Variants in YAF2 observed in about 807,000 individuals in gnomAD.
The protein encoded by YAF2 is YY1-associated factor 2.
In YAF2, 7 loss-of-function variants were observed where a neutral mutation model predicts 20.1. The ratio of observed to expected loss-of-function variants is 0.35; its 90% CI spans 0.20 to 0.65. The LOEUF (loss-of-function observed/expected upper bound fraction) is 0.65, where lower values mean the gene tolerates loss of function less well. Among genes scored for constraint, YAF2 ranks in the 30% least tolerant of loss-of-function variants. The pLI is 0.69. For synonymous variants in YAF2, 74 were observed against 76.0 expected (o/e 0.97, Z 0.14); for missense variants, 151 against 219.2 (o/e 0.69, Z 1.96).
Position 42,238,222 on chromosome 12 carries a change from GCT to G in YAF2, c.-44_-43del, listed in dbSNP as rs2068248586. The G allele has an allele frequency of 1.4e-6, 2 of 1,399,930 alleles. No individual in the cohort carries two copies. The highest frequency in any genetic ancestry group is 1.9e-6 in the Non-Finnish European group (2 of 1,057,532). 86.7% of individuals were successfully genotyped at this position (1,399,930 alleles called of 1,614,324 possible). A position where few individuals can be genotyped will look rare whatever the true frequency, so the allele number is the denominator to read the frequency against. ...CACGCCGAGAGTCGCCGCCGCGACC[GCT>G]CTGTTTGTCAATAAGGAGGATAATA... On this transcript the variant is annotated 5_prime_UTR_variant, in exon 1 of 4. Transcript: ENST00000534854.
chr12:42,229,948 G>A (rs564188746), intron 2 of YAF2, among the ~76,000 whole-genome samples: 1 of 152,268 alleles, frequency 6.6e-6, no homozygotes, highest in East Asian at 1.9e-4. Flanking sequence ...GGGGTGGAGG[G>A]ATGGTAATCC....
intron 2 of YAF2, chr12:42,234,170 A>C (rs1444391472): frequency 5.1e-6 from 5 of 974,336 alleles, no homozygotes; most frequent in Non-Finnish European, 6.1e-6. Flanking sequence ...GACTGTCTCA[A>C]ATTCTGCCTC....
Position 42,237,712 on chromosome 12 carries a change from C to T in YAF2, c.39G>A (p.Gln13=), listed in dbSNP as rs1313776165. 6.4e-7 allele frequency: 1 copy of T among 1,565,794 alleles called. No homozygotes were observed. The stretch of plus-strand genomic sequence containing the variant: ...AACCCTCATCCGAGGACGGCTTCGG[C>T]TGCCGCTTCGGCCTGCAGGACACAA... ...DKKSPTRPKR[Q]PKPSSDEGYW... is the part of the protein sequence containing the mutation. Residue 13 remains glutamine, a synonymous_variant, in exon 2 of 4, where the codon CAG becomes CAA. Transcript: ENST00000534854.
chr12:42,223,844 G>C (rs1296900837), intron 2 of YAF2, among the ~76,000 whole-genome samples: 1 of 150,278 alleles, frequency 6.7e-6, no homozygotes, highest in African/African-American at 2.5e-5. Flanking sequence ...ATGGACACAG[G>C]GAGGGGAACA....
chr12:42,174,262 C>T (rs559369595), intron 2 of YAF2, among the ~76,000 whole-genome samples: 2 of 152,250 alleles, frequency 1.3e-5, no homozygotes, highest in South Asian at 4.1e-4. Context: ...CCTTCCACTC[C>T]AGCAAAATTA....
intron 2 of YAF2, among the ~76,000 whole-genome samples, chr12:42,193,031 C>T (rs765084064): frequency 6.6e-6 from 1 of 151,986 alleles, no homozygotes; most frequent in Non-Finnish European, 1.5e-5. Context: ...TAGCACCTAC[C>T]GGCCGGGCAC....
chr12:42,183,824 C>T lies in YAF2; in HGVS notation c.153-22059G>A, dbSNP rs970113463. On this transcript the variant is annotated intron_variant, in intron 2 of 3. Coordinates refer to ENST00000534854, the MANE Select transcript of YAF2 (RefSeq NM_005748.6). ...TATTGAAAGAAGATGCCATCTAGGACTTTCAGAGCTAGAGACGAAAAGTCA... is the reference window on the plus strand; with the variant it reads ...TATTGAAAGAAGATGCCATCTAGGATTTTCAGAGCTAGAGACGAAAAGTCA... Among the ~76,000 whole-genome samples the T allele has an allele frequency of 2.2e-4, 34 of 152,232 alleles. 1 individual carries two copies. The highest frequency in any genetic ancestry group is 4.4e-5 in the Non-Finnish European group (3 of 68,042).
chr12:42,213,045 T>C (rs781719488), intron 2 of YAF2, among the ~76,000 whole-genome samples: 4 of 72,588 alleles, frequency 5.5e-5, no homozygotes, highest in Non-Finnish European at 1.0e-4. Context: ...TAAGCTAATA[T>C]AAAAGATGTC....
At chr12:42,227,521 C>T (rs2067762116) in intron 2 of YAF2, among the ~76,000 whole-genome samples, 2 of 147,024 alleles carry the variant, frequency 1.4e-5, no homozygotes, top group African/African-American at 5.1e-5. Flanking sequence ...AGCGCCTCTG[C>T]CCTGCCGAGA....
chr12:42,161,854 G>A, intron 2 of YAF2, 89 bp from the exon 3 acceptor site: 1 of 1,187,866 alleles, frequency 8.4e-7, no homozygotes, highest in Non-Finnish European at 1.2e-6. Flanking sequence ...ATGAAAACAA[G>A]TTAATAACAA....
chr12:42,237,721 C>A lies in YAF2; in HGVS notation c.30G>T (p.Pro10=), dbSNP rs568586864. The change falls in exon 2 of 4, where the codon CCG becomes CCT. Residue 10 remains proline, a synonymous_variant. Transcript: ENST00000534854. MGDKKSPTR[P]KRQPKPSSDE... ...CCGAGGACGGCTTCGGCTGCCGCTT[C>A]GGCCTGCAGGACACAACCCGGACAC... The A allele has an allele frequency of 9.0e-6, 14 of 1,562,604 alleles. No homozygotes were observed. The highest frequency in any genetic ancestry group is 1.4e-5 in the African/African-American group (1 of 70,986).
At chr12:42,161,371 A>G in intron 3 of YAF2, 1 of 355,046 alleles carries the variant, frequency 2.8e-6, no homozygotes. Flanking sequence ...AAACAAATCC[A>G]GACACAAATG....
At chr12:42,232,903 C>T (rs2068024980) in intron 2 of YAF2, 1 of 985,068 alleles carries the variant, frequency 1.0e-6, no homozygotes, top group Non-Finnish European at 1.2e-6. Flanking sequence ...GAAGAAGTTC[C>T]ACCTCTTCAG....
chr12:42,202,724 C>T (rs879533281), intron 2 of YAF2, among the ~76,000 whole-genome samples: 9 of 152,084 alleles, frequency 5.9e-5, no homozygotes, highest in Non-Finnish European at 1.2e-4. Flanking sequence ...CTGCAACCTC[C>T]GCCTCCCAGG....
At chr12:42,216,410 C>G (rs2067359006) in intron 2 of YAF2, among the ~76,000 whole-genome samples, 1 of 152,126 alleles carries the variant, frequency 6.6e-6, no homozygotes, top group Admixed American at 6.6e-5. Context: ...AACACACCCC[C>G]CTCTTTTTGA....
rs1382739915 is a variant in YAF2 at position 42,227,849 on chromosome 12, G to C, written c.152+9750C>G. Reference sequence around the variant, plus strand: ...CGTGCCGTCCGGGAGGGAGGTGGGGGGGTCAGCCCCCCGCCCCGCCAGCCG... The same window carrying C: ...CGTGCCGTCCGGGAGGGAGGTGGGGCGGTCAGCCCCCCGCCCCGCCAGCCG... On this transcript the variant is annotated intron_variant, in intron 2 of 3. Coordinates refer to ENST00000534854, the MANE Select transcript of YAF2 (RefSeq NM_005748.6). Among the ~76,000 whole-genome samples the C allele has an allele frequency of 6.4e-5, 9 of 141,090 alleles. 1 individual carries two copies. Among genetic ancestry groups the C allele is most frequent in the Admixed American group, 6.2e-4 (9 of 14,460 alleles). The allele number at this position is 141,090 out of a possible 152,430, so 92.6% of individuals were successfully genotyped here. A position where few individuals can be genotyped will look rare whatever the true frequency, so the allele number is the denominator to read the frequency against.
chr12:42,210,018 G>A (rs1177829911), intron 2 of YAF2, among the ~76,000 whole-genome samples: 3 of 152,090 alleles, frequency 2.0e-5, no homozygotes, highest in East Asian at 3.9e-4. Flanking sequence ...GGCTGTTCTC[G>A]AACTCCCGAC....
chr12:42,200,807 T>G lies in YAF2; in HGVS notation c.152+36792A>C, dbSNP rs534930285. On this transcript the variant is annotated intron_variant, in intron 2 of 3. Transcript: ENST00000534854. ...ATACACATCAAAAGGTAGCATGGTA[T>G]AGTGGACTCTGAAGCCAGACAACTT... 2.4e-4 allele frequency among the ~76,000 whole-genome samples: 37 copies of G among 152,332 alleles called. No homozygotes were observed. The South Asian group carries it at 7.3e-3, about 30-fold the overall frequency.
At chr12:42,207,618 C>T (rs1054240563) in intron 2 of YAF2, among the ~76,000 whole-genome samples, 1 of 152,126 alleles carries the variant, frequency 6.6e-6, no homozygotes, top group African/African-American at 2.4e-5. Flanking sequence ...GTAGGCTGGG[C>T]ACGGTGGCTC....
Sources: allele counts gnomAD v4.1 joint callset (sites outside exome capture counted in the v4.1 genomes callset), GRCh38; gene constraint gnomAD v4.1.1; transcripts MANE v1.5; gene names NCBI Gene and HGNC (gene_info 2026-07-23, HGNC 2026-07-21).